Variants in TBC1D22B observed in about 807,000 individuals in gnomAD.
TBC1D22B encodes the protein chromosome 6 open reading frame 197.
TBC1D22B carries 32 observed loss-of-function variants against 69.1 expected under a neutral mutation model. That is an observed-to-expected ratio of 0.46 (90% CI 0.35 to 0.62). The LOEUF (loss-of-function observed/expected upper bound fraction) is 0.62. Among genes scored for constraint, TBC1D22B ranks in the 20% least tolerant of loss-of-function variants. The probability of loss-of-function intolerance (pLI) is 0.00; values close to 1 mark genes in which losing one functional copy is unlikely to be tolerated. For synonymous variants in TBC1D22B, 206 were observed against 229.8 expected (o/e 0.90, Z 0.94); for missense variants, 462 against 630.9 (o/e 0.73, Z 2.87).
At chr6:37,322,481 C>T (rs911187058) in intron 12 of TBC1D22B, among the ~76,000 whole-genome samples, 3 of 152,086 alleles carry the variant, frequency 2.0e-5, no homozygotes, top group Non-Finnish European at 2.9e-5. Flanking sequence ...CGTGCCAGTG[C>T]ACTCCAGCCA....
chr6:37,315,360 C>A (rs1768045358), intron 10 of TBC1D22B, among the ~76,000 whole-genome samples: 1 of 151,864 alleles, frequency 6.6e-6, no homozygotes, highest in Admixed American at 6.6e-5. Context: ...AGTTCAAGAC[C>A]AGCCTGGGCA....
chr6:37,314,043 A>G, intron 10 of TBC1D22B, 152 bp downstream of exon 10: 1 of 702,420 alleles, frequency 1.4e-6, no homozygotes, highest in Admixed American at 2.3e-5. Flanking sequence ...ATCCTTCCAC[A>G]TCTCAGCAGG....
chr6:37,331,091 C>T lies in TBC1D22B; in HGVS notation c.1437C>T (p.Asn479=), dbSNP rs764610336. ...LQNLPTIHWG[N]EEIGLLLAEA... ...ACCTACCTACAATACACTGGGGCAA[C>T]GAAGAAATTGGGCTGCTTCTCGCCG... Residue 479 remains asparagine (N), a synonymous_variant, in exon 13 of 13, where the codon AAC becomes AAT. Coordinates refer to ENST00000373491, the MANE Select transcript of TBC1D22B (RefSeq NM_017772.4). 16 of 1,614,018 alleles carry T rather than the reference C, an allele frequency of 9.9e-6. No individual in the cohort carries two copies. Among genetic ancestry groups the T allele is most frequent in the Admixed American group, 6.7e-5 (4 of 60,004 alleles).
At chr6:37,284,526 T>C in intron 6 of TBC1D22B, 62 bp downstream of exon 6, 1 of 1,494,122 alleles carries the variant, frequency 6.7e-7, no homozygotes, top group Non-Finnish European at 8.9e-7. Context: ...TGTCTCATGG[T>C]AGTGCTCTCA....
chr6:37,313,081 G>A, intron 9 of TBC1D22B, 57 bp downstream of exon 9: 1 of 1,399,676 alleles, frequency 7.1e-7, no homozygotes, highest in Non-Finnish European at 1.0e-6. Flanking sequence ...CTCCCAGCAG[G>A]GCTTTGGTTT....
chr6:37,322,449 G>A (rs1277109624), intron 12 of TBC1D22B, among the ~76,000 whole-genome samples: 6 of 152,224 alleles, frequency 3.9e-5, no homozygotes, highest in African/African-American at 9.6e-5. Flanking sequence ...CCTGGGAGGC[G>A]GAGATTGCAG....
intron 12 of TBC1D22B, among the ~76,000 whole-genome samples, chr6:37,323,082 A>AAGCAGCAGCAGCAGC (rs200537251): frequency 1.3e-5 from 2 of 151,964 alleles, no homozygotes; most frequent in African/African-American, 4.8e-5. Flanking sequence ...CATCTCGGGA[A>AAGCAGCAGCAGCAGC]AGCAGCAGCA....
At chr6:37,285,315 CTTT>C (rs756459599) in intron 6 of TBC1D22B, among the ~76,000 whole-genome samples, 4 of 73,550 alleles carry the variant, frequency 5.4e-5, no homozygotes, top group African/African-American at 1.8e-4. Context: ...TCCTTCCCCA[CTTT>C]TTTTTTTTTT....
At chr6:37,272,596 C>T (rs984980745) in intron 2 of TBC1D22B, among the ~76,000 whole-genome samples, 1 of 151,596 alleles carries the variant, frequency 6.6e-6, no homozygotes, top group Non-Finnish European at 1.5e-5. Flanking sequence ...CCATGTTGCC[C>T]ATGCTTGTCT....
chr6:37,314,019 C>T, intron 10 of TBC1D22B, 128 bp downstream of exon 10: 1 of 803,256 alleles, frequency 1.2e-6, no homozygotes, highest in Non-Finnish European at 2.1e-6. Context: ...CTGAGTGCTG[C>T]TGGCAGCACC....
At chr6:37,293,020 CTG>C (rs1581600838) in intron 8 of TBC1D22B, among the ~76,000 whole-genome samples, 1 of 151,718 alleles carries the variant, frequency 6.6e-6, no homozygotes, top group African/African-American at 2.4e-5. Flanking sequence ...CTTTGTGTCT[CTG>C]TGTCACATTC....
chr6:37,267,377 CATATATA>C (rs1284466067), intron 1 of TBC1D22B, among the ~76,000 whole-genome samples: 1 of 59,998 alleles, frequency 1.7e-5, no homozygotes, highest in African/African-American at 6.2e-5. Flanking sequence ...TATATACACA[CATATATA>C]ATATATATAT....
intron 8 of TBC1D22B, among the ~76,000 whole-genome samples, chr6:37,292,739 G>A (rs548428525): frequency 6.6e-6 from 1 of 152,274 alleles, no homozygotes; most frequent in South Asian, 2.1e-4. Flanking sequence ...AGCAGCTGTA[G>A]TTCTGATTAG....
intron 4 of TBC1D22B, among the ~76,000 whole-genome samples, 180 bp from the exon 5 acceptor site, chr6:37,282,702 A>T (rs1389475903): frequency 9.2e-5 from 14 of 152,142 alleles, no homozygotes; most frequent in Admixed American, 7.9e-4. Flanking sequence ...TGCTACTGCA[A>T]GGCCGTGTCC....
At chr6:37,269,873 A>G (rs1214559033) in intron 2 of TBC1D22B, among the ~76,000 whole-genome samples, 1 of 152,168 alleles carries the variant, frequency 6.6e-6, no homozygotes, top group Non-Finnish European at 1.5e-5. Context: ...GAACTGGTAT[A>G]TGTAGGGTTT....
rs565033768 is a variant in TBC1D22B, at chr6:37,276,058, G to A, written c.114-3246G>A. Reference sequence around the variant, plus strand: ...TGGCTCACTGTAACCTCTGCCTTCCGGGTTCAAGTGATTCTCCTGCCTCAG... The same window carrying A: ...TGGCTCACTGTAACCTCTGCCTTCCAGGTTCAAGTGATTCTCCTGCCTCAG... On this transcript the variant is annotated intron_variant, in intron 2 of 12. Transcript: ENST00000373491. 3.3e-5 allele frequency among the ~76,000 whole-genome samples: 5 copies of A among 150,390 alleles called. No homozygotes were observed. In the East Asian group the frequency reaches 5.9e-4, roughly 18 times the overall value.
At chr6:37,277,930 A>C (rs1345255326) in intron 2 of TBC1D22B, among the ~76,000 whole-genome samples, 1 of 151,706 alleles carries the variant, frequency 6.6e-6, no homozygotes, top group South Asian at 2.1e-4. Context: ...GGAGTTTGAG[A>C]CTAGCGAGAG....
intron 1 of TBC1D22B, among the ~76,000 whole-genome samples, chr6:37,258,717 T>G (rs1157834934): frequency 6.6e-6 from 1 of 152,122 alleles, no homozygotes; most frequent in Non-Finnish European, 1.5e-5. Flanking sequence ...CTTTTCGGTG[T>G]ATGTTGAGAC....
intron 7 of TBC1D22B, 99 bp downstream of exon 7, chr6:37,287,171 A>G (rs111507842): frequency 4.6e-6 from 4 of 867,718 alleles, no homozygotes; most frequent in South Asian, 1.8e-5. Context: ...CCTTATGTTC[A>G]TATATGCAGC....
Sources: gnomAD v4.1 joint callset for allele counts (sites outside exome capture counted in the v4.1 genomes callset) on GRCh38, gnomAD v4.1.1 for gene constraint, MANE v1.5 for transcripts, NCBI Gene and HGNC (gene_info 2026-07-23, HGNC 2026-07-21) for gene names.